GPC6: variants seen among roughly 807,000 people sequenced by gnomAD.
GPC6 encodes the protein glypican-6.
Under a neutral mutation model 55.2 loss-of-function variants are expected in GPC6, and 14 were observed. The observed-to-expected ratio is 0.25, with a 90% CI of 0.17 to 0.40. The LOEUF is 0.40. GPC6 is among the 10% of genes least tolerant of loss of function. The pLI is 1.00. For missense variants in GPC6, 641 were observed against 708.5 expected, an observed-to-expected ratio of 0.90 and a Z score of 1.08; for synonymous variants, 278 against 259.6, an observed-to-expected ratio of 1.07 and a Z score of -0.68.
At chr13:93,844,488 GTTGT>G (rs781102734) in intron 3 of GPC6, among the ~76,000 whole-genome samples, 52 of 152,142 alleles carry the variant, frequency 3.4e-4, no homozygotes, top group Non-Finnish European at 4.4e-4. Flanking sequence ...TTTTGATGGG[GTTGT>G]TTGTTTTTTT....
chr13:94,187,312 C>T (rs1330210179), intron 4 of GPC6: 2 of 152,242 alleles, frequency 1.3e-5, no homozygotes, highest in East Asian at 1.9e-4. Flanking sequence ...ATTTGACTGG[C>T]TCCACTCCTT....
chr13:93,690,483 C>A (rs1882219806), intron 2 of GPC6, among the ~76,000 whole-genome samples: 1 of 151,758 alleles, frequency 6.6e-6, no homozygotes, highest in African/African-American at 2.4e-5. Flanking sequence ...TTTATGGCCT[C>A]TCACTAGAAT....
chr13:94,283,717 A>C (rs970556705), intron 4 of GPC6, among the ~76,000 whole-genome samples: 8 of 152,258 alleles, frequency 5.3e-5, no homozygotes, highest in African/African-American at 1.9e-4. Context: ...AGGAGAAACA[A>C]AACGAGCAAC....
chr13:93,349,938 A>T (rs1880571918), intron 1 of GPC6, among the ~76,000 whole-genome samples: 1 of 152,202 alleles, frequency 6.6e-6, no homozygotes, highest in South Asian at 2.1e-4. Context: ...CTAACTGATA[A>T]AAATTAAAAG....
intron 1 of GPC6, among the ~76,000 whole-genome samples, chr13:93,454,727 A>G (rs1012641542): frequency 6.6e-6 from 1 of 152,216 alleles, no homozygotes; most frequent in Non-Finnish European, 1.5e-5. Flanking sequence ...GGCTTCACCC[A>G]GTGGATCCCG....
At chr13:93,293,159 A>G (rs568033192) in intron 1 of GPC6, among the ~76,000 whole-genome samples, 4 of 151,688 alleles carry the variant, frequency 2.6e-5, no homozygotes, top group African/African-American at 7.3e-5. Flanking sequence ...ATTTTTTTCT[A>G]TTTGTAGGGA....
intron 4 of GPC6, among the ~76,000 whole-genome samples, chr13:94,193,630 G>T (rs868860815): frequency 6.6e-6 from 1 of 152,082 alleles, no homozygotes; most frequent in Non-Finnish European, 1.5e-5. Context: ...TCGCAGTGTC[G>T]CTTGGGGTAT....
chr13:94,118,579 A>G (rs753572596), intron 4 of GPC6, among the ~76,000 whole-genome samples: 64 of 151,674 alleles, frequency 4.2e-4, no homozygotes, highest in Non-Finnish European at 8.0e-4. Context: ...CTCTTTTTCT[A>G]TTTGCCCTGC....
intron 4 of GPC6, among the ~76,000 whole-genome samples, chr13:94,259,630 C>T (rs547227381): frequency 2.6e-5 from 4 of 152,244 alleles, no homozygotes; most frequent in Admixed American, 1.3e-4. Flanking sequence ...ACAGAAACTC[C>T]GTGCCCATTA....
At chr13:93,357,214 C>T (rs1880878113) in intron 1 of GPC6, among the ~76,000 whole-genome samples, 1 of 152,094 alleles carries the variant, frequency 6.6e-6, no homozygotes, top group Non-Finnish European at 1.5e-5. Context: ...TTAAGTTGCT[C>T]TTAGGTGGTT....
chr13:94,140,703 C>T (rs779515299), intron 4 of GPC6, among the ~76,000 whole-genome samples: 1 of 152,076 alleles, frequency 6.6e-6, no homozygotes, highest in Non-Finnish European at 1.5e-5. Flanking sequence ...TGGCTGTCTT[C>T]CAGGTCATTG....
At chr13:93,296,316 G>T (rs1878494510) in intron 1 of GPC6, among the ~76,000 whole-genome samples, 1 of 152,110 alleles carries the variant, frequency 6.6e-6, no homozygotes, top group Non-Finnish European at 1.5e-5. Flanking sequence ...CACTGTCTTT[G>T]TTTAGGTTTT....
chr13:93,506,779 ACCTGTAATC>A (rs1330985582), intron 1 of GPC6, among the ~76,000 whole-genome samples: 2 of 148,874 alleles, frequency 1.3e-5, no homozygotes, highest in Admixed American at 1.3e-4. Context: ...GGTGGCTCAC[ACCTGTAATC>A]CCGGCACTTT....
intron 3 of GPC6, among the ~76,000 whole-genome samples, chr13:93,894,686 C>G (rs548900207): frequency 6.6e-6 from 1 of 152,216 alleles, no homozygotes; most frequent in South Asian, 2.1e-4. Context: ...CCAGCCTGAG[C>G]ACCTTAACTA....
chr13:93,905,337 G>GCTA (rs1452319420), intron 3 of GPC6, among the ~76,000 whole-genome samples: 3 of 152,050 alleles, frequency 2.0e-5, no homozygotes, highest in Non-Finnish European at 4.4e-5. Context: ...AGGTTTCAGT[G>GCTA]CTACACAAAA....
chr13:93,954,482 ATT>A (rs1393401512), intron 3 of GPC6, among the ~76,000 whole-genome samples: 1 of 152,040 alleles, frequency 6.6e-6, no homozygotes, highest in Non-Finnish European at 1.5e-5. Context: ...ACAACTAGCT[ATT>A]TTTTGTAGAG....
chr13:93,628,527 G>C (rs1879301347), intron 2 of GPC6, among the ~76,000 whole-genome samples: 1 of 152,212 alleles, frequency 6.6e-6, no homozygotes, highest in Non-Finnish European at 1.5e-5. Context: ...TCTGGGGTCA[G>C]TGCTGAGTCT....
intron 2 of GPC6, among the ~76,000 whole-genome samples, chr13:93,680,156 G>C (rs1881795273): frequency 6.6e-6 from 1 of 152,080 alleles, no homozygotes. Context: ...GTTAAAATGA[G>C]GTCGCCACTG....
chr13:93,227,246 T>C lies in GPC6; in HGVS notation c.-211T>C, dbSNP rs904059826. 5.9e-6 allele frequency: 3 copies of C among 505,632 alleles called. No individual in the cohort carries two copies. Among genetic ancestry groups the C allele is most frequent in the Non-Finnish European group, 1.1e-5 (3 of 283,120 alleles). The allele number at this position is 505,632 out of a possible 1,614,324, so 31.3% of individuals were successfully genotyped here. ...AGGCAGCAGCCTTCCCAGCCAGCCCTTGTTGGCTTGCCATCGTCCATCTGG... is the reference window on the plus strand; with the variant it reads ...AGGCAGCAGCCTTCCCAGCCAGCCCCTGTTGGCTTGCCATCGTCCATCTGG... On this transcript the variant is annotated 5_prime_UTR_variant, in exon 1 of 9. Coordinates refer to ENST00000377047, the MANE Select transcript of GPC6 (RefSeq NM_005708.5). The surrounding 1 kb of genome is among the most constrained non-coding windows in gnomAD (Gnocchi z 4.3).
Sources: gnomAD v4.1 joint callset for allele counts (sites outside exome capture counted in the v4.1 genomes callset) on GRCh38, gnomAD v4.1.1 for gene constraint, Gnocchi (gnomAD v3.1) non-coding constraint, MANE v1.5 for transcripts, NCBI Gene and HGNC (gene_info 2026-07-23, HGNC 2026-07-21) for gene names.